SEC23IP: variants seen among roughly 807,000 people sequenced by gnomAD.
SEC23IP encodes the protein SEC23 interacting protein, also known as SEC23-interacting protein.
SEC23IP carries 70 observed loss-of-function variants against 113.4 expected under a neutral mutation model. The observed-to-expected ratio is 0.62, with a 90% CI of 0.51 to 0.75. SEC23IP has a LOEUF of 0.75. Among genes scored for constraint, SEC23IP ranks in the 30% least tolerant of loss-of-function variants. The pLI, the probability that SEC23IP is intolerant of heterozygous loss-of-function variation, is 0.00. For missense variants in SEC23IP, 1,160 were observed against 1,204.9 expected (o/e 0.96, Z 0.55); for synonymous variants, 398 against 421.0 (o/e 0.95, Z 0.67).
In SEC23IP at chr10:119,904,068, T is replaced by TA. The variant is rs1487064258; in HGVS notation, c.908-14dup. On this transcript the variant is annotated splice_polypyrimidine_tract_variant and intron_variant, in intron 3 of 18. Transcript: ENST00000369075. ...GCCTTGCAGCAGTTAGGAAAAGTGT[T>TA]AATTTTGTTCTCTAGTTCAGCCAGA... 6 of 1,611,792 alleles carry TA rather than the reference T, an allele frequency of 3.7e-6. No homozygotes were observed. The African/African-American group carries it at 8.0e-5, about 22-fold the overall frequency.
chr10:119,937,683 T>C (rs1247815881), intron 18 of SEC23IP, among the ~76,000 whole-genome samples: 1 of 152,154 alleles, frequency 6.6e-6, no homozygotes, highest in Non-Finnish European at 1.5e-5. Flanking sequence ...TAATTATTTT[T>C]TAGATATTTA....
rs185786724 is a variant in SEC23IP, at chr10:119,913,842, G to A, written c.1313-888G>A. Reference sequence around the variant, plus strand: ...TTTTTCCTTGAATGGTTTCCCCTTCGTCAAAAACTTTATTTATAAAAGCAG... The same window carrying A: ...TTTTTCCTTGAATGGTTTCCCCTTCATCAAAAACTTTATTTATAAAAGCAG... On this transcript the variant is annotated intron_variant, in intron 6 of 18. Coordinates refer to ENST00000369075, the MANE Select transcript of SEC23IP (RefSeq NM_007190.4). Among the ~76,000 whole-genome samples the A allele has an allele frequency of 5.9e-4, 89 of 151,594 alleles. 1 individual carries two copies. The East Asian group carries it at 0.013, about 22-fold the overall frequency.
intron 10 of SEC23IP, 85 bp from the exon 11 acceptor site, chr10:119,919,359 T>G: frequency 7.9e-7 from 1 of 1,259,354 alleles, no homozygotes; most frequent in Non-Finnish European, 1.1e-6. Context: ...TAAAGCAAAA[T>G]TGTTTGAGAG....
intron 12 of SEC23IP, among the ~76,000 whole-genome samples, chr10:119,922,061 G>C (rs1254596993): frequency 1.3e-5 from 2 of 152,096 alleles, no homozygotes; most frequent in African/African-American, 4.8e-5. Context: ...AACCAAGAGT[G>C]TGCTGTCTAG....
intron 4 of SEC23IP, among the ~76,000 whole-genome samples, chr10:119,906,780 T>C (rs1011263333): frequency 6.6e-6 from 1 of 151,832 alleles, no homozygotes; most frequent in Admixed American, 6.6e-5. Context: ...TTCACCATGT[T>C]GGCCAGGATG....
At chr10:119,915,115 G>A (rs1402773133) in intron 7 of SEC23IP, among the ~76,000 whole-genome samples, 1 of 152,206 alleles carries the variant, frequency 6.6e-6, no homozygotes, top group Non-Finnish European at 1.5e-5. Context: ...GCATTGAATG[G>A]ATTTATAGTC....
At chr10:119,919,323 C>A in intron 10 of SEC23IP, 121 bp from the exon 11 acceptor site, 1 of 903,948 alleles carries the variant, frequency 1.1e-6, no homozygotes, top group Non-Finnish European at 1.6e-6. Context: ...TGGCAAAGTA[C>A]TGTGCCTAAA....
chr10:119,921,561 A>C (rs183629566), intron 12 of SEC23IP, among the ~76,000 whole-genome samples: 14 of 152,368 alleles, frequency 9.2e-5, no homozygotes, highest in South Asian at 2.1e-4. Context: ...ACCAAGTAAT[A>C]GCTCACTTTC....
Position 119,918,221 on chromosome 10 carries a change from C to T in SEC23IP, c.1754-172C>T, listed in dbSNP as rs553496665. ...TTTTCTATATTCACCTCTAGTATTA[C>T]CTAGGGAATGCTATGTATTTTACTT... On this transcript the variant is annotated intron_variant, in intron 9 of 18. Transcript: ENST00000369075. 8.5e-5 allele frequency among the ~76,000 whole-genome samples: 13 copies of T among 152,192 alleles called. No individual in the cohort carries two copies. The South Asian group carries it at 2.5e-3, about 29-fold the overall frequency.
intron 15 of SEC23IP, among the ~76,000 whole-genome samples, chr10:119,931,065 G>T (rs1359465185): frequency 6.6e-6 from 1 of 152,034 alleles, no homozygotes; most frequent in South Asian, 2.1e-4. Flanking sequence ...TAAGGCATGC[G>T]TTTGATAACT....
intron 8 of SEC23IP, among the ~76,000 whole-genome samples, chr10:119,916,340 A>G (rs557164985): frequency 1.3e-5 from 2 of 152,254 alleles, no homozygotes; most frequent in South Asian, 4.1e-4. Context: ...AGTGCAGACC[A>G]CTTAACTTCC....
At chr10:119,936,684 A>T (rs1256827507) in intron 18 of SEC23IP, among the ~76,000 whole-genome samples, 1 of 151,740 alleles carries the variant, frequency 6.6e-6, no homozygotes, top group Non-Finnish European at 1.5e-5. Context: ...GGTATTACTG[A>T]TTAAAAAATT....
At chr10:119,906,233 G>A (rs1285445963) in intron 4 of SEC23IP, among the ~76,000 whole-genome samples, 1 of 146,030 alleles carries the variant, frequency 6.8e-6, no homozygotes, top group African/African-American at 2.5e-5. Flanking sequence ...AGTGAACTGT[G>A]ATCGTGTCAC....
chr10:119,914,896 A>T (rs1267664956), intron 7 of SEC23IP, 77 bp downstream of exon 7: 1 of 1,371,200 alleles, frequency 7.3e-7, no homozygotes, highest in Non-Finnish European at 1.0e-6. Context: ...CATTTTTAGG[A>T]TAGTTCCCAG....
chr10:119,923,884 G>GT (rs1251274765), intron 12 of SEC23IP, among the ~76,000 whole-genome samples: 4 of 152,234 alleles, frequency 2.6e-5, no homozygotes, highest in African/African-American at 9.6e-5. Context: ...TTGGTTCACA[G>GT]TTTAAAAAGT....
chr10:119,898,286 AAAC>A, intron 1 of SEC23IP, 138 bp from the exon 2 acceptor site: 1 of 1,311,438 alleles, frequency 7.6e-7, no homozygotes, highest in Non-Finnish European at 9.7e-7. Flanking sequence ...AAAAAAGAAA[AAAC>A]TGTTTTTTTC....
intron 5 of SEC23IP, among the ~76,000 whole-genome samples, chr10:119,910,987 C>T (rs1480162855): frequency 6.6e-6 from 1 of 150,410 alleles, no homozygotes; most frequent in African/African-American, 2.4e-5. Flanking sequence ...GCTTGGCTAA[C>T]CTTTTTTTTT....
At chr10:119,936,611 C>T (rs1012065403) in intron 18 of SEC23IP, among the ~76,000 whole-genome samples, 1 of 148,306 alleles carries the variant, frequency 6.7e-6, no homozygotes, top group Non-Finnish European at 1.5e-5. Context: ...AGAAAAGTTG[C>T]TCAATTTTCA....
At chr10:119,928,158 C>T (rs1036253426) in intron 13 of SEC23IP, among the ~76,000 whole-genome samples, 1 of 152,116 alleles carries the variant, frequency 6.6e-6, no homozygotes, top group African/African-American at 2.4e-5. Flanking sequence ...TGGTATCACA[C>T]TGTATTTCTT....
Sources: gnomAD v4.1 joint callset for allele counts (sites outside exome capture counted in the v4.1 genomes callset) on GRCh38, gnomAD v4.1.1 for gene constraint, MANE v1.5 for transcripts, NCBI Gene and HGNC (gene_info 2026-07-23, HGNC 2026-07-21) for gene names.